NRG2: variants seen among roughly 807,000 people sequenced by gnomAD.
NRG2 encodes pro-neuregulin-2, membrane-bound isoform.
NRG2 carries 27 observed loss-of-function variants against 73.9 expected under a neutral mutation model. The ratio of observed to expected loss-of-function variants is 0.37; its 90% CI spans 0.27 to 0.50. NRG2 has a LOEUF of 0.50. Ranked by LOEUF, NRG2 falls within the 20% of genes least tolerant of loss-of-function variation. The pLI, the probability that NRG2 is intolerant of heterozygous loss-of-function variation, is 0.96. For missense variants in NRG2, 1,126 were observed against 1,210.1 expected (o/e 0.93, Z 1.03); for synonymous variants, 532 against 541.0 (o/e 0.98, Z 0.23).
intron 1 of NRG2, among the ~76,000 whole-genome samples, chr5:139,998,426 G>C (rs1245493576): frequency 6.6e-6 from 1 of 152,196 alleles, no homozygotes; most frequent in Admixed American, 6.5e-5. Context: ...GGTATACTCA[G>C]GAAGCCTGTG....
intron 1 of NRG2, among the ~76,000 whole-genome samples, chr5:139,955,068 A>T (rs1395883582): frequency 6.6e-6 from 1 of 152,222 alleles, no homozygotes; most frequent in African/African-American, 2.4e-5. Flanking sequence ...GCTAGGTATC[A>T]TGCTAGACAG....
chr5:139,895,349 G>A (rs185228154), intron 1 of NRG2, among the ~76,000 whole-genome samples: 10 of 152,392 alleles, frequency 6.6e-5, no homozygotes, highest in Non-Finnish European at 1.5e-4. Context: ...GAGTAGCAGA[G>A]ATGGGGGATG....
chr5:139,969,463 G>A (rs1561717501), intron 1 of NRG2, among the ~76,000 whole-genome samples: 1 of 152,208 alleles, frequency 6.6e-6, no homozygotes, highest in Non-Finnish European at 1.5e-5. Context: ...CTCACTGGCA[G>A]CCTTCAAAAG....
Position 139,852,891 on chromosome 5 carries a change from G to T in NRG2, c.1416+13C>A, listed in dbSNP as rs2287683. 4,809 of 1,613,286 alleles carry T rather than the reference G, an allele frequency of 3.0e-3. 205 individuals are homozygous for T. In the East Asian group the frequency reaches 0.079, roughly 27 times the overall value. ...CTGAGGGCTCAGAAGGGGGCCCCAG[G>T]AAAGCCACTCACATCTGCCATCTGG... On this transcript the variant is annotated intron_variant, in intron 7 of 9. Coordinates refer to ENST00000361474, the MANE Select transcript of NRG2 (RefSeq NM_004883.3). The surrounding 1 kb of genome is among the most constrained non-coding windows in gnomAD (Gnocchi z 4.4).
chr5:140,020,707 C>T (rs569433235), intron 1 of NRG2, among the ~76,000 whole-genome samples: 2 of 152,254 alleles, frequency 1.3e-5, no homozygotes, highest in African/African-American at 2.4e-5. Flanking sequence ...TTAGCAAGAT[C>T]GTCTCCTAGC....
intron 1 of NRG2, among the ~76,000 whole-genome samples, chr5:140,024,758 C>T (rs1008289029): frequency 1.3e-5 from 2 of 152,086 alleles, no homozygotes; most frequent in African/African-American, 4.8e-5. Flanking sequence ...GGAAGCGGCT[C>T]GGGTTTGAGA....
intron 1 of NRG2, among the ~76,000 whole-genome samples, chr5:139,992,197 A>G (rs1193876294): frequency 6.6e-6 from 1 of 152,224 alleles, no homozygotes; most frequent in Non-Finnish European, 1.5e-5. Context: ...AGTAGAAGGC[A>G]TGTAACGTTT....
At chr5:139,890,961 G>A (rs1215496053) in intron 1 of NRG2, among the ~76,000 whole-genome samples, 1 of 152,160 alleles carries the variant, frequency 6.6e-6, no homozygotes, top group Non-Finnish European at 1.5e-5. Flanking sequence ...CCTCCAACTA[G>A]TCCCTTCTCC....
chr5:139,940,211 A>G (rs1255770553), intron 1 of NRG2, among the ~76,000 whole-genome samples: 1 of 152,260 alleles, frequency 6.6e-6, no homozygotes, highest in Non-Finnish European at 1.5e-5. Flanking sequence ...CAAGATGGGA[A>G]TGGATAGACA....
chr5:140,006,830 T>C (rs1758942001), intron 1 of NRG2, among the ~76,000 whole-genome samples: 1 of 152,236 alleles, frequency 6.6e-6, no homozygotes, highest in Non-Finnish European at 1.5e-5. Flanking sequence ...CCAACAAACA[T>C]GTTACTTTTC....
chr5:139,955,858 C>A (rs1402200107), intron 1 of NRG2, among the ~76,000 whole-genome samples: 1 of 152,042 alleles, frequency 6.6e-6, no homozygotes, highest in Non-Finnish European at 1.5e-5. Context: ...AGGGGGAGTC[C>A]CAGGCCAGAA....
intron 1 of NRG2, among the ~76,000 whole-genome samples, chr5:139,957,159 TC>T (rs1266830383): frequency 2.8e-4 from 43 of 152,314 alleles, no homozygotes; most frequent in African/African-American, 1.0e-3. Flanking sequence ...TGCACACCTC[TC>T]TTGGTTACAT....
chr5:140,031,233 C>T (rs571875390), intron 1 of NRG2, among the ~76,000 whole-genome samples: 5 of 152,238 alleles, frequency 3.3e-5, no homozygotes, highest in African/African-American at 4.8e-5. Context: ...TATCAGCAGG[C>T]CTAAGCAGAA....
chr5:139,863,696 T>G (rs1332530924), intron 5 of NRG2, among the ~76,000 whole-genome samples: 1 of 152,220 alleles, frequency 6.6e-6, no homozygotes, highest in South Asian at 2.1e-4. Flanking sequence ...TCCCTCCTGC[T>G]CTACAGTCCT....
chr5:139,896,612 T>C (rs1764554898), intron 1 of NRG2, among the ~76,000 whole-genome samples: 1 of 152,198 alleles, frequency 6.6e-6, no homozygotes, highest in African/African-American at 2.4e-5. Flanking sequence ...AACCAGTTTC[T>C]CCATCTTCTC....
intron 5 of NRG2, among the ~76,000 whole-genome samples, chr5:139,860,344 T>C (rs1243681859): frequency 6.6e-6 from 1 of 151,778 alleles, no homozygotes; most frequent in East Asian, 1.9e-4. Flanking sequence ...TGCAGACAGC[T>C]TGCCCAGCTC....
intron 1 of NRG2, among the ~76,000 whole-genome samples, chr5:140,023,906 A>G (rs1218368945): frequency 1.3e-5 from 2 of 152,172 alleles, no homozygotes; most frequent in Non-Finnish European, 2.9e-5. Flanking sequence ...GGGAATATCA[A>G]AGAGACCAAG....
rs1354066985 is a variant in NRG2 at position 139,868,419 on chromosome 5, G to A, written c.1113-2794C>T. Among the ~76,000 whole-genome samples the A allele has an allele frequency of 6.6e-6, 1 of 152,136 alleles. No individual in the cohort carries two copies. The highest frequency in any genetic ancestry group is 1.5e-5 in the Non-Finnish European group (1 of 68,018). ...TGGGTGGTGGTTGGTGGTTTCCACTGAAACTGGGATTGACCCTCTGATTTT... is the reference window on the plus strand; with the variant it reads ...TGGGTGGTGGTTGGTGGTTTCCACTAAAACTGGGATTGACCCTCTGATTTT... On this transcript the variant is annotated intron_variant, in intron 4 of 9. Transcript: ENST00000361474. The surrounding 1 kb of genome is among the most constrained non-coding windows in gnomAD (Gnocchi z 4.2).
At chr5:140,002,985 A>C (rs1561744607) in intron 1 of NRG2, among the ~76,000 whole-genome samples, 1 of 152,240 alleles carries the variant, frequency 6.6e-6, no homozygotes, top group Non-Finnish European at 1.5e-5. Context: ...TTTTGACCTG[A>C]ATAACTGGTC....
Sources: gnomAD v4.1 joint callset for allele counts (sites outside exome capture counted in the v4.1 genomes callset) on GRCh38, gnomAD v4.1.1 for gene constraint, Gnocchi (gnomAD v3.1) non-coding constraint, MANE v1.5 for transcripts, NCBI Gene and HGNC (gene_info 2026-07-23, HGNC 2026-07-21) for gene names.